Variants in HPN observed in about 807,000 individuals in gnomAD.
HPN encodes the protein serine protease hepsin.
HPN carries 13 observed loss-of-function variants against 55.9 expected under a neutral mutation model. That is an observed-to-expected ratio of 0.23 (90% confidence interval 0.15 to 0.37). The LOEUF (loss-of-function observed/expected upper bound fraction) is 0.37. HPN is among the 10% of genes least tolerant of loss of function. The pLI, the probability that HPN is intolerant of heterozygous loss-of-function variation, is 1.00. For synonymous variants in HPN, 225 were observed against 240.3 expected (o/e 0.94, Z 0.59); for missense variants, 451 against 575.8 (o/e 0.78, Z 2.22).
Position 35,066,535 on chromosome 19 carries a change from A to G in HPN, c.*248A>G. On this transcript the variant is annotated 3_prime_UTR_variant, in exon 13 of 13. Coordinates refer to ENST00000672452, the MANE Select transcript of HPN (RefSeq NM_001384133.1). ...GACTCCTGTCTAGGTGCCCCTGATG[A>G]CGGGATGCTCTTTAAATAATAAAGA... 1.8e-6 allele frequency: 1 copy of G among 560,220 alleles called. No individual in the cohort carries two copies. The highest frequency in any genetic ancestry group is 3.2e-6 in the Non-Finnish European group (1 of 316,826). 34.7% of individuals were successfully genotyped at this position (560,220 alleles called of 1,614,324 possible). A position where few individuals can be genotyped will look rare whatever the true frequency, so the allele number is the denominator to read the frequency against.
intron 4 of HPN, among the ~76,000 whole-genome samples, chr19:35,056,971 A>C (rs1398650130): frequency 6.6e-6 from 1 of 152,224 alleles, no homozygotes; most frequent in Non-Finnish European, 1.5e-5. Flanking sequence ...GCAATAGTCA[A>C]GATTGGCAGT....
chr19:35,041,525 C>T, upstream of HPN: 7 of 587,276 alleles, frequency 1.2e-5, no homozygotes, highest in Non-Finnish European at 1.5e-5. Context: ...CCAGGCCTGT[C>T]CCTGTTCCCA....
At chr19:35,053,222 A>G (rs1029286691) in intron 4 of HPN, among the ~76,000 whole-genome samples, 2 of 151,702 alleles carry the variant, frequency 1.3e-5, no homozygotes, top group African/African-American at 4.8e-5. Context: ...TTCTCTCCCC[A>G]CTCCCATCTC....
At chr19:35,052,534 CAAAA>C (rs5827918) in intron 4 of HPN, among the ~76,000 whole-genome samples, 5 of 84,556 alleles carry the variant, frequency 5.9e-5, no homozygotes, top group African/African-American at 8.8e-5. Context: ...GAGTCTGTCT[CAAAA>C]AAAAAAAAAA....
Position 35,060,679 on chromosome 19 carries a change from G to C in HPN, c.673G>C (p.Ala225Pro), listed in dbSNP as rs773255905. ...AGTGTTTGCCGGTGCCGTGGCCCAG[G>C]CCTCTCCCCACGGTCTGCAGCTGGG... is the stretch of plus-strand genomic sequence containing the variant. ...WRVFAGAVAQ[A>P]SPHGLQLGVQ... is the part of the protein sequence containing the mutation. The change falls in exon 9 of 13, where the codon GCC (alanine) becomes CCC (proline). Residue 225 changes from alanine to proline, a missense_variant. Transcript: ENST00000672452. 11 of 1,614,164 alleles carry C rather than the reference G, an allele frequency of 6.8e-6. No homozygotes were observed. In the South Asian group the frequency reaches 1.2e-4, roughly 18 times the overall value.
chr19:35,059,595 G>A, intron 4 of HPN, 78 bp from the exon 5 acceptor site: 1 of 1,532,180 alleles, frequency 6.5e-7, no homozygotes, highest in Non-Finnish European at 8.8e-7. Context: ...GCACAGGCCA[G>A]GAGGGGCTCC....
intron 9 of HPN, 110 bp from the exon 10 acceptor site, chr19:35,065,139 TA>T: frequency 2.9e-6 from 2 of 685,970 alleles, no homozygotes; most frequent in Non-Finnish European, 2.4e-6. Flanking sequence ...GTTTTTTTTT[TA>T]AAGAACAGAG....
At chr19:35,060,037 C>T (rs749346031) in intron 6 of HPN, 41 bp downstream of exon 6, 1 of 1,612,218 alleles carries the variant, frequency 6.2e-7, no homozygotes, top group African/African-American at 1.3e-5. Flanking sequence ...ACCTCAGACC[C>T]CCAAGGCACT....
Position 35,041,986 on chromosome 19 carries a change from G to A in HPN, c.-55+114G>A, listed in dbSNP as rs543306434. The A allele has an allele frequency of 1.7e-3, 2,057 of 1,189,042 alleles. 4 individuals are homozygous for A. The highest frequency in any genetic ancestry group is 2.0e-3 in the Non-Finnish European group (1,910 of 942,462). The allele number at this position is 1,189,042 out of a possible 1,614,324, so 73.7% of individuals were successfully genotyped here. ...ATAGAGGGGTTCCTGGGGACCTGAA[G>A]AGGGGGCACTATGACGTCCCCCCAA... On this transcript the variant is annotated intron_variant, in intron 1 of 12. Coordinates refer to ENST00000672452, the MANE Select transcript of HPN (RefSeq NM_001384133.1).
Position 35,064,318 on chromosome 19 carries a change from G to GTCTCTC in HPN, c.812-916_812-911dup, listed in dbSNP as rs10577478. ...AAGTCAAATGTCTCAAGATAGGAGTGTCTCTCTCTCTCTCTCTCTCTTTCT... is the reference window on the plus strand; with the variant it reads ...AAGTCAAATGTCTCAAGATAGGAGTGTCTCTCTCTCTCTCTCTCTCTCTCTCTTTCT... On this transcript the variant is annotated intron_variant, in intron 9 of 12. Coordinates refer to ENST00000672452, the MANE Select transcript of HPN (RefSeq NM_001384133.1). Among the ~76,000 whole-genome samples the GTCTCTC allele has an allele frequency of 7.5e-3, 1,123 of 150,376 alleles. 20 individuals carry two copies. Among genetic ancestry groups the GTCTCTC allele is most frequent in the Non-Finnish European group, 8.7e-3 (590 of 67,516 alleles).
intron 1 of HPN, 182 bp from the exon 2 acceptor site, chr19:35,042,271 G>A (rs537922900): frequency 6.2e-5 from 84 of 1,357,162 alleles, no homozygotes; most frequent in Middle Eastern, 2.8e-4. Context: ...GCGTCCCCCC[G>A]CTGCTGGTCA....
chr19:35,057,987 C>T (rs777282270), intron 4 of HPN, among the ~76,000 whole-genome samples: 146 of 151,908 alleles, frequency 9.6e-4, no homozygotes, highest in Middle Eastern at 3.4e-3. Flanking sequence ...CCCATCTCTA[C>T]TTAAAATACA....
At position 35,066,364 on chromosome 19, in the gene HPN, G is replaced by A; in HGVS notation, c.*77G>A. ...GGGATCCACGCTGGGCCTAGGATGG[G>A]ACGTTTTTCTTCTTGGGCCCGGTCC... On this transcript the variant is annotated 3_prime_UTR_variant, in exon 13 of 13. Transcript: ENST00000672452. The A allele has an allele frequency of 2.6e-6, 4 of 1,538,824 alleles. No individual in the cohort carries two copies. In the South Asian group the frequency reaches 3.5e-5, roughly 14 times the overall value.
At chr19:35,052,534 C>CAAA (rs5827918) in intron 4 of HPN, among the ~76,000 whole-genome samples, 5 of 84,522 alleles carry the variant, frequency 5.9e-5, no homozygotes, top group Non-Finnish European at 9.5e-5. Context: ...GAGTCTGTCT[C>CAAA]AAAAAAAAAA....
intron 4 of HPN, among the ~76,000 whole-genome samples, chr19:35,056,093 G>A (rs796943855): frequency 2.9e-4 from 44 of 152,084 alleles, no homozygotes; most frequent in African/African-American, 1.0e-3. Context: ...CTCTGTCTCC[G>A]TGCTGATCTC....
chr19:35,065,343 A>G lies in HPN; in HGVS notation c.905A>G (p.Tyr302Cys). The G allele has an allele frequency of 6.2e-7, 1 of 1,612,254 alleles. No individual in the cohort carries two copies. Among genetic ancestry groups the G allele is most frequent in the Non-Finnish European group, 8.5e-7 (1 of 1,178,636 alleles). ...ACGGGCTGGGGCAACACGCAGTACT[A>G]TGGTGAGTCCTGTCCTCTGCCTCTG... ...TVTGWGNTQY[Y>C]GQQAGVLQEA... The change falls in exon 10 of 13, where the codon TAT becomes TGT. Residue 302 changes from tyrosine (Y) to cysteine (C), a missense_variant and splice_region_variant. Tyr to Cys is a radical substitution (Grantham distance 194). Coordinates refer to ENST00000672452, the MANE Select transcript of HPN (RefSeq NM_001384133.1).
intron 4 of HPN, chr19:35,059,455 C>G: frequency 2.9e-6 from 2 of 689,666 alleles, no homozygotes; most frequent in East Asian, 5.7e-5. Context: ...ACACTCCAGC[C>G]TGGGCAACAG....
At chr19:35,042,376 C>T (rs1228351863) in intron 1 of HPN, 77 bp from the exon 2 acceptor site, 16 of 1,468,312 alleles carry the variant, frequency 1.1e-5, no homozygotes, top group African/African-American at 1.4e-5. Context: ...CCTGGATGGA[C>T]GCCTGGGACT....
chr19:35,049,912 A>G (rs2064386218), intron 4 of HPN, among the ~76,000 whole-genome samples: 1 of 145,792 alleles, frequency 6.9e-6, no homozygotes, highest in Non-Finnish European at 1.5e-5. Context: ...GCATCCCCAC[A>G]CTCTGAGGGT....
Sources: gnomAD v4.1 joint callset for allele counts (sites outside exome capture counted in the v4.1 genomes callset) on GRCh38, gnomAD v4.1.1 for gene constraint, MANE v1.5 for transcripts, NCBI Gene and HGNC (gene_info 2026-07-23, HGNC 2026-07-21) for gene names.